The following SPOCK1 variants were observed in gnomAD, a reference collection of about 807,000 sequenced individuals.
SPOCK1 encodes SPARC (osteonectin), cwcv and kazal like domains proteoglycan 1.
In SPOCK1, 23 loss-of-function variants were observed where a neutral mutation model predicts 55.3. The ratio of observed to expected loss-of-function variants is 0.42; its 90% CI spans 0.30 to 0.59. The LOEUF is 0.59. Ranked by LOEUF, SPOCK1 falls within the 20% of genes least tolerant of loss-of-function variation. The probability of loss-of-function intolerance (pLI) is 0.22; values close to 1 mark genes in which losing one functional copy is unlikely to be tolerated. For synonymous variants in SPOCK1, 226 were observed against 221.0 expected (o/e 1.02, Z -0.20); for missense variants, 499 against 552.5 (o/e 0.90, Z 0.97).
chr5:137,000,417 T>G (rs1751126999), intron 6 of SPOCK1, among the ~76,000 whole-genome samples: 1 of 152,106 alleles, frequency 6.6e-6, no homozygotes, highest in African/African-American at 2.4e-5. Context: ...TTGGGTCTCT[T>G]CCCTCCATCA....
At chr5:137,454,045 C>T (rs930834662) in intron 2 of SPOCK1, among the ~76,000 whole-genome samples, 4 of 149,698 alleles carry the variant, frequency 2.7e-5, no homozygotes, top group Admixed American at 6.6e-5. Flanking sequence ...TACTTGGGAT[C>T]AGGAAAAAAA....
chr5:137,066,993 G>C (rs201671998), intron 6 of SPOCK1, among the ~76,000 whole-genome samples: 14,327 of 77,806 alleles, frequency 0.18, 835 homozygotes, highest in East Asian at 0.31. Flanking sequence ...CACACAGAGA[G>C]AGAGAGAGAG....
At chr5:137,056,866 C>T (rs1294172103) in intron 6 of SPOCK1, among the ~76,000 whole-genome samples, 1 of 151,960 alleles carries the variant, frequency 6.6e-6, no homozygotes, top group Non-Finnish European at 1.5e-5. Flanking sequence ...TTGAGACCCT[C>T]CCCCCACCAC....
At chr5:136,983,619 CAA>C (rs11364379) in intron 9 of SPOCK1, among the ~76,000 whole-genome samples, 160 of 135,300 alleles carry the variant, frequency 1.2e-3, no homozygotes, top group East Asian at 1.3e-3. Context: ...CTCCTTGGAC[CAA>C]AAAAAAAAAA....
chr5:137,134,704 G>A (rs941394162), intron 4 of SPOCK1, among the ~76,000 whole-genome samples: 2 of 152,182 alleles, frequency 1.3e-5, no homozygotes, highest in African/African-American at 2.4e-5. Flanking sequence ...TCCAAACCTC[G>A]ACAGCTATGT....
chr5:137,391,738 A>G (rs1255829122), intron 2 of SPOCK1, among the ~76,000 whole-genome samples: 1 of 151,924 alleles, frequency 6.6e-6, no homozygotes, highest in Non-Finnish European at 1.5e-5. Context: ...GTCCCCTGGG[A>G]TCTGCTCCTG....
intron 3 of SPOCK1, among the ~76,000 whole-genome samples, chr5:137,226,050 A>G (rs1755941553): frequency 6.6e-6 from 1 of 152,212 alleles, no homozygotes. Context: ...ATCCAGACCC[A>G]ACCTAAATCC....
rs3192243 is a variant in SPOCK1 at position 136,977,362 on chromosome 5, A to G, written c.*1292T>C. ...GGACAGAATTTGCTCTTAAAAACCC[A>G]GGGTTTGCTTCCATGTGTTATTACG... On this transcript the variant is annotated 3_prime_UTR_variant, in exon 11 of 11. Coordinates refer to ENST00000394945, the MANE Select transcript of SPOCK1 (RefSeq NM_004598.4). 0.42 allele frequency: 64,477 copies of G among 152,140 alleles called. 14,255 individuals carry two copies. Among genetic ancestry groups the G allele is most frequent in the African/African-American group, 0.49 (20,007 of 41,234 alleles). 9.4% of individuals were successfully genotyped at this position (152,140 alleles called of 1,614,324 possible). A position where few individuals can be genotyped will look rare whatever the true frequency, so the allele number is the denominator to read the frequency against.
intron 4 of SPOCK1, among the ~76,000 whole-genome samples, chr5:137,132,824 G>T (rs553105751): frequency 6.6e-6 from 1 of 152,238 alleles, no homozygotes; most frequent in African/African-American, 2.4e-5. Context: ...TTTTTCTTCA[G>T]CAAGTGCAGC....
At chr5:137,242,829 G>GACA (rs1334556680) in intron 3 of SPOCK1, among the ~76,000 whole-genome samples, 1 of 152,110 alleles carries the variant, frequency 6.6e-6, no homozygotes, top group Non-Finnish European at 1.5e-5. Flanking sequence ...CATATTATTT[G>GACA]CAAAAAGCAG....
rs1390608502 is a variant in SPOCK1 at position 137,112,453 on chromosome 5, G to A, written c.456C>T (p.Gly152=). The change falls in exon 5 of 11, where the codon GGC becomes GGT. Residue 152 remains glycine (G), a synonymous_variant. Transcript: ENST00000394945. ...AACCAACCTTGGATGTGTAGGAGTG[G>A]CCATCTGAGCCGCAGACCATGGCTG... ...AQSAMVCGSD[G]HSYTSKCKLE... 1.9e-6 allele frequency: 3 copies of A among 1,613,308 alleles called. No homozygotes were observed. Among genetic ancestry groups the A allele is most frequent in the Non-Finnish European group, 2.5e-6 (3 of 1,179,846 alleles).
chr5:137,365,679 C>T (rs899085125), intron 2 of SPOCK1, among the ~76,000 whole-genome samples: 10 of 152,128 alleles, frequency 6.6e-5, no homozygotes, highest in African/African-American at 1.9e-4. Flanking sequence ...ATTCCACTCT[C>T]GTAATATGAA....
At chr5:137,380,753 C>T (rs1751445364) in intron 2 of SPOCK1, among the ~76,000 whole-genome samples, 1 of 152,174 alleles carries the variant, frequency 6.6e-6, no homozygotes, top group African/African-American at 2.4e-5. Flanking sequence ...CTGGCCCCTC[C>T]TGCAATTCAA....
chr5:137,115,370 G>A (rs1753558752), intron 4 of SPOCK1, among the ~76,000 whole-genome samples: 1 of 151,956 alleles, frequency 6.6e-6, no homozygotes, highest in South Asian at 2.1e-4. Context: ...ATATGGCAAA[G>A]TTACATCATC....
At chr5:137,418,181 C>T (rs1378129924) in intron 2 of SPOCK1, among the ~76,000 whole-genome samples, 1 of 152,234 alleles carries the variant, frequency 6.6e-6, no homozygotes, top group Non-Finnish European at 1.5e-5. Context: ...ATATGTGCCA[C>T]ATTTTCTTAA....
At chr5:137,321,755 G>A (rs1298114989) in intron 2 of SPOCK1, among the ~76,000 whole-genome samples, 1 of 151,884 alleles carries the variant, frequency 6.6e-6, no homozygotes, top group Non-Finnish European at 1.5e-5. Context: ...GCAGGTGACT[G>A]TAATCCCAGC....
At chr5:137,342,758 A>G (rs1049853956) in intron 2 of SPOCK1, among the ~76,000 whole-genome samples, 1 of 152,278 alleles carries the variant, frequency 6.6e-6, no homozygotes, top group African/African-American at 2.4e-5. Flanking sequence ...GGAAGGAGTC[A>G]GAGAACCTTG....
intron 2 of SPOCK1, among the ~76,000 whole-genome samples, chr5:137,484,160 C>T (rs1223158341): frequency 6.6e-6 from 1 of 152,230 alleles, no homozygotes; most frequent in African/African-American, 2.4e-5. Flanking sequence ...CTATACATTG[C>T]ACCAGGAGCA....
At chr5:137,404,908 T>C (rs903954601) in intron 2 of SPOCK1, among the ~76,000 whole-genome samples, 10 of 152,218 alleles carry the variant, frequency 6.6e-5, no homozygotes, top group Admixed American at 3.3e-4. Context: ...CAGGTGCTTA[T>C]TAGTTTTTAT....
Sources: gnomAD v4.1 joint callset for allele counts (sites outside exome capture counted in the v4.1 genomes callset) on GRCh38, gnomAD v4.1.1 for gene constraint, MANE v1.5 for transcripts, NCBI Gene and HGNC (gene_info 2026-07-23, HGNC 2026-07-21) for gene names.